WWP2: variants seen among roughly 807,000 people sequenced by gnomAD.
WWP2 encodes WW domain containing E3 ubiquitin protein ligase 2.
Under a neutral mutation model 121.0 loss-of-function variants are expected in WWP2, and 57 were observed. The observed-to-expected ratio is 0.47, with a 90% confidence interval of 0.38 to 0.59. The LOEUF (loss-of-function observed/expected upper bound fraction) is 0.59, where lower values mean the gene tolerates loss of function less well. Ranked by LOEUF, WWP2 falls within the 20% of genes least tolerant of loss-of-function variation. WWP2 has a pLI of 0.00. For synonymous variants in WWP2, 449 were observed against 441.3 expected (o/e 1.02, Z -0.22); for missense variants, 962 against 1,158.9 (o/e 0.83, Z 2.47).
At chr16:69,903,416 A>G (rs2058235412) in intron 8 of WWP2, among the ~76,000 whole-genome samples, 1 of 152,242 alleles carries the variant, frequency 6.6e-6, no homozygotes, top group Non-Finnish European at 1.5e-5. Flanking sequence ...TCAAATGAAC[A>G]TAAAAGATGT....
At chr16:69,867,890 G>A (rs907029523) in intron 6 of WWP2, among the ~76,000 whole-genome samples, 2 of 152,172 alleles carry the variant, frequency 1.3e-5, no homozygotes, top group African/African-American at 2.4e-5. Context: ...GGGCAGAGCC[G>A]AGCCTGGCTG....
chr16:69,860,192 T>G (rs1264190466), intron 6 of WWP2, among the ~76,000 whole-genome samples: 1 of 152,084 alleles, frequency 6.6e-6, no homozygotes, highest in East Asian at 1.9e-4. Context: ...GTGGTCCGAT[T>G]CCATTCTTTA....
chr16:69,795,421 G>A (rs1344664697), intron 2 of WWP2, among the ~76,000 whole-genome samples: 1 of 151,902 alleles, frequency 6.6e-6, no homozygotes, highest in Non-Finnish European at 1.5e-5. Context: ...ATCCTTATTT[G>A]CACTAGCCAT....
chr16:69,817,810 C>T (rs2056523778), intron 4 of WWP2, among the ~76,000 whole-genome samples: 1 of 151,710 alleles, frequency 6.6e-6, no homozygotes, highest in Admixed American at 6.6e-5. Context: ...AGGCTTGTGT[C>T]ACCATGCTTG....
At chr16:69,834,771 G>A (rs1002111145) in intron 4 of WWP2, among the ~76,000 whole-genome samples, 2 of 151,184 alleles carry the variant, frequency 1.3e-5, no homozygotes, top group African/African-American at 2.4e-5. Flanking sequence ...CAAATGATCC[G>A]CCTGCCTTGG....
intron 4 of WWP2, among the ~76,000 whole-genome samples, chr16:69,825,757 A>T (rs1037494194): frequency 4.0e-5 from 6 of 150,944 alleles, no homozygotes; most frequent in African/African-American, 1.5e-4. Flanking sequence ...TCCCAAGTAG[A>T]TGGGACCACA....
At chr16:69,859,227 T>C (rs1322634170) in intron 6 of WWP2, among the ~76,000 whole-genome samples, 3 of 152,174 alleles carry the variant, frequency 2.0e-5, no homozygotes, top group Admixed American at 2.0e-4. Flanking sequence ...ACAACATTCT[T>C]ATCTGCATAC....
chr16:69,881,817 G>A (rs1367283588), intron 7 of WWP2, among the ~76,000 whole-genome samples: 4 of 152,066 alleles, frequency 2.6e-5, no homozygotes, highest in Non-Finnish European at 5.9e-5. Context: ...TTAGCCTCCC[G>A]AGTAGCTGGG....
At chr16:69,863,467 C>T (rs531890622) in intron 6 of WWP2, among the ~76,000 whole-genome samples, 2 of 152,038 alleles carry the variant, frequency 1.3e-5, no homozygotes, top group Admixed American at 6.6e-5. Flanking sequence ...GGTGAAACCC[C>T]GTCTTTACTA....
chr16:69,903,562 A>T (rs981153673), intron 8 of WWP2, among the ~76,000 whole-genome samples: 4 of 152,076 alleles, frequency 2.6e-5, no homozygotes, highest in Non-Finnish European at 5.9e-5. Context: ...AGGTCAGAAG[A>T]TCGAGACCAT....
intron 8 of WWP2, among the ~76,000 whole-genome samples, chr16:69,896,654 A>C (rs2058108722): frequency 6.6e-6 from 1 of 152,170 alleles, no homozygotes; most frequent in Non-Finnish European, 1.5e-5. Flanking sequence ...GGAGAAGAAC[A>C]GTACATAATA....
At chr16:69,891,453 GC>G (rs2058025692) in intron 8 of WWP2, among the ~76,000 whole-genome samples, 1 of 152,174 alleles carries the variant, frequency 6.6e-6, no homozygotes, top group African/African-American at 2.4e-5. Flanking sequence ...TATAAATGCA[GC>G]AGCTGAATTG....
At chr16:69,767,885 T>A (rs917873915) in intron 1 of WWP2, among the ~76,000 whole-genome samples, 2 of 152,228 alleles carry the variant, frequency 1.3e-5, no homozygotes, top group African/African-American at 2.4e-5. Flanking sequence ...TCACCCAGGC[T>A]GAAGTACAGT....
At chr16:69,863,460 G>A (rs2057462131) in intron 6 of WWP2, among the ~76,000 whole-genome samples, 1 of 152,070 alleles carries the variant, frequency 6.6e-6, no homozygotes, top group South Asian at 2.1e-4. Flanking sequence ...CCAACATGGT[G>A]AAACCCCGTC....
In WWP2 at chr16:69,842,057, C is replaced by G. The variant is rs779677207; in HGVS notation, c.512C>G (p.Thr171Arg). The G allele has an allele frequency of 1.9e-6, 3 of 1,613,494 alleles. No homozygotes were observed. Among genetic ancestry groups the G allele is most frequent in the Middle Eastern group, 1.6e-4 (1 of 6,062 alleles). Residue 171 changes from threonine (T) to arginine (R), a missense_variant, in exon 6 of 24, where the codon ACA becomes AGA. Around this residue, in one of 3 missense-constraint regions of WWP2, gnomAD observed 211 missense variants for 196.5 expected, o/e 1.07. Coordinates refer to ENST00000359154, the MANE Select transcript of WWP2 (RefSeq NM_001270454.2). ...CTGCCTTCGAGAGACTCCAGTGGAA[C>G]AGCAGTAGCTCCAGAGAACCGGCAC... ...SQLPSRDSSGTAVAPENRHQP... is the reference protein window; with the variant it reads ...SQLPSRDSSGRAVAPENRHQP...
intron 8 of WWP2, among the ~76,000 whole-genome samples, chr16:69,904,439 G>T (rs538266712): frequency 1.1e-4 from 16 of 151,784 alleles, no homozygotes; most frequent in South Asian, 1.0e-3. Context: ...TGTGATCACG[G>T]CTCACTGCAG....
intron 6 of WWP2, among the ~76,000 whole-genome samples, chr16:69,847,376 T>G (rs1028602865): frequency 6.7e-6 from 1 of 150,066 alleles, no homozygotes; most frequent in East Asian, 2.0e-4. Context: ...TGAGCCACCA[T>G]GCCCTGCCTT....
At chr16:69,778,872 C>A (rs948574947) in intron 1 of WWP2, among the ~76,000 whole-genome samples, 1 of 151,386 alleles carries the variant, frequency 6.6e-6, no homozygotes, top group African/African-American at 2.4e-5. Flanking sequence ...AACTCCTGCC[C>A]TCAAGTGATC....
intron 8 of WWP2, among the ~76,000 whole-genome samples, chr16:69,908,223 C>CTG (rs1161720261): frequency 6.6e-6 from 1 of 152,072 alleles, no homozygotes; most frequent in Non-Finnish European, 1.5e-5. Context: ...TCAGCCTGGG[C>CTG]AACAGAGTGA....
Sources: gnomAD v4.1 joint callset for allele counts (sites outside exome capture counted in the v4.1 genomes callset) on GRCh38, gnomAD v4.1.1 for gene constraint, gnomAD v4.1.1 regional missense constraint, MANE v1.5 for transcripts, NCBI Gene and HGNC (gene_info 2026-07-23, HGNC 2026-07-21) for gene names.